OR2H1: variants seen among roughly 807,000 people sequenced by gnomAD.
The protein encoded by OR2H1 is olfactory receptor family 2 subfamily H member 1, also known as olfactory receptor 2H1.
For missense variants in OR2H1, 380 were observed against 367.3 expected (o/e 1.03, Z -0.28); for synonymous variants, 155 against 155.2 (o/e 1.00, Z 0.01).
Position 29,464,127 on chromosome 6 carries a change from T to C in OR2H1, c.*1407T>C, listed in dbSNP as rs1787647082. The C allele has an allele frequency of 6.0e-6, 1 of 167,102 alleles. No homozygotes were observed. The highest frequency in any genetic ancestry group is 1.5e-5 in the Non-Finnish European group (1 of 68,134). The allele number at this position is 167,102 out of a possible 1,614,324, so 10.4% of individuals were successfully genotyped here. A position where few individuals can be genotyped will look rare whatever the true frequency, so the allele number is the denominator to read the frequency against. The stretch of plus-strand genomic sequence containing the variant: ...CTCTTTCTCCTTCACTGCCTCAAGT[T>C]ACAGCCAGAGGAAAGGAGGAACTAA... On this transcript the variant is annotated 3_prime_UTR_variant, in exon 4 of 4. Transcript: ENST00000377133.
rs147890226 is a variant in OR2H1 at position 29,461,840 on chromosome 6, C to T, written c.71C>T (p.Thr24Ile). 2 of 1,613,084 alleles carry T rather than the reference C, an allele frequency of 1.2e-6. No individual in the cohort carries two copies. The highest frequency in any genetic ancestry group is 1.3e-5 in the African/African-American group (1 of 75,042). ...GFSEHPALER[T>I]LFVVVFTSYL... ...TCTGAACACCCAGCACTGGAAAGGA[C>T]TCTCTTTGTGGTTGTCTTCACTTCC... The change falls in exon 4 of 4, where the codon ACT becomes ATT. Residue 24 changes from threonine (T) to isoleucine (I), a missense_variant. Thr to Ile is a moderately conservative substitution (Grantham distance 89, BLOSUM62 -1). Coordinates refer to ENST00000377133, the MANE Select transcript of OR2H1 (RefSeq NM_030883.5).
Position 29,461,839 on chromosome 6 carries a change from ACT to A in OR2H1, c.75_76del (p.Phe26CysfsTer37). The A allele has an allele frequency of 5.0e-6, 8 of 1,612,362 alleles. No individual in the cohort carries two copies. The highest frequency in any genetic ancestry group is 6.8e-6 in the Non-Finnish European group (8 of 1,179,854). On this transcript the variant is annotated frameshift_variant, in exon 4 of 4. Transcript: ENST00000377133. LOFTEE classifies it low-confidence loss of function (END_TRUNC). ...CTCTGAACACCCAGCACTGGAAAGG[ACT>A]CTCTTTGTGGTTGTCTTCACTTCCT... ...GFSEHPALERTLFVVVFTSYL... is the reference protein window; with the variant it reads ...GFSEHPALERXLFVVVFTSYL...
Position 29,462,304 on chromosome 6 carries a change from G to T in OR2H1, c.535G>T (p.Val179Phe). The change falls in exon 4 of 4, where the codon GTC becomes TTC. Residue 179 changes from valine to phenylalanine, a missense_variant. By Grantham distance (50) the Val-to-Phe change is conservative. Transcript: ENST00000377133. Reference sequence around the variant, plus strand: ...GCAGATAGATGACTTTTTATGTGAGGTCCCATCTCTGATTCGACTCTCCTG... The same window carrying T: ...GCAGATAGATGACTTTTTATGTGAGTTCCCATCTCTGATTCGACTCTCCTG... ...HQQIDDFLCEVPSLIRLSCGD... is the reference protein window; with the variant it reads ...HQQIDDFLCEFPSLIRLSCGD... 6.2e-7 allele frequency: 1 copy of T among 1,613,106 alleles called. No homozygotes were observed. The highest frequency in any genetic ancestry group is 2.2e-5 in the East Asian group (1 of 44,874).
chr6:29,462,645 C>A lies in OR2H1; in HGVS notation c.876C>A (p.Asn292Lys). The change falls in exon 4 of 4, where the codon AAC becomes AAA. Residue 292 changes from asparagine (N) to lysine (K), a missense_variant. Transcript: ENST00000377133. ...SLNPLVYTLRNKEIKRALRRL... is the reference protein window; with the variant it reads ...SLNPLVYTLRKKEIKRALRRL... ...ACCCTCTCGTATACACCCTGAGGAA[C>A]AAGGAGATAAAGCGAGCACTCAGGA... 3 of 1,613,012 alleles carry A rather than the reference C, an allele frequency of 1.9e-6. No individual in the cohort carries two copies. The highest frequency in any genetic ancestry group is 2.5e-6 in the Non-Finnish European group (3 of 1,180,008).
rs890494437 is a variant in OR2H1 at position 29,462,319 on chromosome 6, C to T, written c.550C>T (p.Arg184Ter). 31 of 1,613,148 alleles carry T rather than the reference C, an allele frequency of 1.9e-5. No individual in the cohort carries two copies. Among genetic ancestry groups the T allele is most frequent in the Non-Finnish European group, 2.3e-5 (27 of 1,180,028 alleles). ...DFLCEVPSLI[R>*]LSCGDTSYNE... The stretch of plus-strand genomic sequence containing the variant: ...TTTATGTGAGGTCCCATCTCTGATT[C>T]GACTCTCCTGTGGAGATACCTCCTA... Residue 184 changes from arginine (R) to a stop codon, truncating the protein, a stop_gained, in exon 4 of 4, where the codon CGA becomes TGA. Transcript: ENST00000377133. LOFTEE classifies it low-confidence loss of function (END_TRUNC).
Position 29,461,786 on chromosome 6 carries a change from C to T in OR2H1, c.17C>T (p.Ser6Phe), listed in dbSNP as rs770646313. ...GAACAGGCCATGGTTAACCAAAGCT[C>T]CCCCATGGGCTTCCTCCTTCTGGGC... is the stretch of plus-strand genomic sequence containing the variant. MVNQS[S>F]PMGFLLLGFS... The change falls in exon 4 of 4, where the codon TCC becomes TTC. Residue 6 changes from serine to phenylalanine, a missense_variant. Ser to Phe is a radical substitution (Grantham distance 155). Coordinates refer to ENST00000377133, the MANE Select transcript of OR2H1 (RefSeq NM_030883.5). 1 of 1,612,562 alleles carries T rather than the reference C, an allele frequency of 6.2e-7. No homozygotes were observed. Among genetic ancestry groups the T allele is most frequent in the Non-Finnish European group, 8.5e-7 (1 of 1,179,720 alleles).
At position 29,463,014 on chromosome 6, in the gene OR2H1, T is replaced by A; in HGVS notation, c.*294T>A. 1 of 430,850 alleles carries A rather than the reference T, an allele frequency of 2.3e-6. No individual in the cohort carries two copies. The highest frequency in any genetic ancestry group is 4.3e-6 in the Non-Finnish European group (1 of 234,544). 26.7% of individuals were successfully genotyped at this position (430,850 alleles called of 1,614,324 possible). ...TTTTACTGTCATCACTTCTATAGAT[T>A]TCCTAACTCCACCATGCCTATTTCT... On this transcript the variant is annotated 3_prime_UTR_variant, in exon 4 of 4. Transcript: ENST00000377133.
rs755910580 is a variant in OR2H1, at chr6:29,461,986, A to G, written c.217A>G (p.Thr73Ala). ...CTCCTTCTTGGACCTCTGCTTTACC[A>G]CAAGTTGTGTCCCCCAGATGCTGGT... Reference protein sequence around the residue: ...DLSFLDLCFTTSCVPQMLVNL... With the variant: ...DLSFLDLCFTASCVPQMLVNL... The change falls in exon 4 of 4, where the codon ACA becomes GCA. Residue 73 changes from threonine to alanine, a missense_variant. Coordinates refer to ENST00000377133, the MANE Select transcript of OR2H1 (RefSeq NM_030883.5). The G allele has an allele frequency of 1.9e-6, 3 of 1,612,948 alleles. No individual in the cohort carries two copies. The African/African-American group carries it at 4.0e-5, about 22-fold the overall frequency.
intron 3 of OR2H1, chr6:29,461,208 A>G (rs1006874707): frequency 1.3e-5 from 2 of 152,774 alleles, no homozygotes; most frequent in African/African-American, 2.4e-5. Flanking sequence ...TGTTAATTCT[A>G]CACTCTGCCT....
chr6:29,461,243 G>T (rs2151427903), intron 3 of OR2H1, among the ~76,000 whole-genome samples: 1 of 152,212 alleles, frequency 6.6e-6, no homozygotes, highest in Admixed American at 6.5e-5. Flanking sequence ...TGCAAACAAA[G>T]ATAAAGTAGA....
At position 29,462,049 on chromosome 6, in the gene OR2H1, G is replaced by C; in HGVS notation, c.280G>C (p.Gly94Arg). The change falls in exon 4 of 4, where the codon GGA (glycine) becomes CGA (arginine). Residue 94 changes from glycine to arginine, a missense_variant. Coordinates refer to ENST00000377133, the MANE Select transcript of OR2H1 (RefSeq NM_030883.5). ...WGPKKTISFL[G>R]CSVQLFIFLS... The stretch of plus-strand genomic sequence containing the variant: ...CCCAAAGAAGACCATCAGCTTCCTG[G>C]GATGCTCTGTCCAGCTCTTCATCTT... 6.2e-7 allele frequency: 1 copy of C among 1,613,444 alleles called. No homozygotes were observed. The highest frequency in any genetic ancestry group is 1.1e-5 in the South Asian group (1 of 91,066).
At chr6:29,459,945 A>G (rs1787027411) in intron 2 of OR2H1, 2 of 152,120 alleles carry the variant, frequency 1.3e-5, no homozygotes, top group South Asian at 2.1e-4. Flanking sequence ...GAGGGTCTCA[A>G]TTTTCCCATG....
At chr6:29,457,722 T>G (rs940981005) in intron 1 of OR2H1, among the ~76,000 whole-genome samples, 12 of 152,094 alleles carry the variant, frequency 7.9e-5, no homozygotes, top group African/African-American at 2.9e-4. Flanking sequence ...TAAACCAAAG[T>G]CAGGGGGGAT....
chr6:29,457,261 T>C (rs1786476176), intron 1 of OR2H1, 54 bp downstream of exon 1: 1 of 152,198 alleles, frequency 6.6e-6, no homozygotes, highest in Admixed American at 6.5e-5. Context: ...TTGGGGGCCA[T>C]ATTTTAAAAC....
chr6:29,462,068 T>C lies in OR2H1; in HGVS notation c.299T>C (p.Phe100Ser), dbSNP rs1447718078. 2.5e-6 allele frequency: 4 copies of C among 1,613,444 alleles called. No homozygotes were observed. Among genetic ancestry groups the C allele is most frequent in the Non-Finnish European group, 3.4e-6 (4 of 1,180,032 alleles). The change falls in exon 4 of 4, where the codon TTC becomes TCC. Residue 100 changes from phenylalanine to serine, a missense_variant. Physicochemically the swap from Phe to Ser is radical, Grantham distance 155. Transcript: ENST00000377133. ...TTCCTGGGATGCTCTGTCCAGCTCT[T>C]CATCTTCCTGTCCCTGGGGACCACT... ...ISFLGCSVQLFIFLSLGTTEC... is the reference protein window; with the variant it reads ...ISFLGCSVQLSIFLSLGTTEC...
Position 29,463,642 on chromosome 6 carries a change from A to G in OR2H1, c.*922A>G, listed in dbSNP as rs576800304. On this transcript the variant is annotated 3_prime_UTR_variant, in exon 4 of 4. Transcript: ENST00000377133. ...GCTTGACAGTCATCACCGTCACTCT[A>G]TCTTCATTTCTGGTTCTTACCGTGT... 3 of 167,158 alleles carry G rather than the reference A, an allele frequency of 1.8e-5. No individual in the cohort carries two copies. The highest frequency in any genetic ancestry group is 2.1e-4 in the South Asian group (1 of 4,818). 10.4% of individuals were successfully genotyped at this position (167,158 alleles called of 1,614,324 possible).
chr6:29,462,264 C>T lies in OR2H1; in HGVS notation c.495C>T (p.Pro165=). The T allele has an allele frequency of 5.6e-6, 9 of 1,613,374 alleles. No homozygotes were observed. Among genetic ancestry groups the T allele is most frequent in the Non-Finnish European group, 7.6e-6 (9 of 1,180,042 alleles). The change falls in exon 4 of 4, where the codon CCC becomes CCT. Residue 165 remains proline (P), a synonymous_variant. Coordinates refer to ENST00000377133, the MANE Select transcript of OR2H1 (RefSeq NM_030883.5). ...AGACACCATCCACCCTCCACTTGCC[C>T]TTCTGTCCCCACCAGCAGATAGATG... ...IVQTPSTLHL[P]FCPHQQIDDF...
rs775421777 is a variant in OR2H1, at chr6:29,462,091, A to G, written c.322A>G (p.Thr108Ala). The G allele has an allele frequency of 1.9e-6, 3 of 1,613,526 alleles. No homozygotes were observed. The South Asian group carries it at 3.3e-5, about 18-fold the overall frequency. Residue 108 changes from threonine (T) to alanine (A), a missense_variant, in exon 4 of 4, where the codon ACT becomes GCT. By Grantham distance (58) the Thr-to-Ala change is moderately conservative. Transcript: ENST00000377133. Reference sequence around the variant, plus strand: ...CTTCATCTTCCTGTCCCTGGGGACCACTGAGTGCATCCTCCTGACAGTGAT... The same window carrying G: ...CTTCATCTTCCTGTCCCTGGGGACCGCTGAGTGCATCCTCCTGACAGTGAT... ...QLFIFLSLGTTECILLTVMAF... is the reference protein window; with the variant it reads ...QLFIFLSLGTAECILLTVMAF...
chr6:29,463,137 G>A lies in OR2H1; in HGVS notation c.*417G>A. ...GCATGTATCTACGTAGGTCATGTAA[G>A]CAAAGGCTTGAAGAACAGCTAATCT... On this transcript the variant is annotated 3_prime_UTR_variant, in exon 4 of 4. Transcript: ENST00000377133. 1 of 195,486 alleles carries A rather than the reference G, an allele frequency of 5.1e-6. No homozygotes were observed. The highest frequency in any genetic ancestry group is 1.2e-5 in the Non-Finnish European group (1 of 85,512). 12.1% of individuals were successfully genotyped at this position (195,486 alleles called of 1,614,324 possible).
Sources: allele counts gnomAD v4.1 joint callset (sites outside exome capture counted in the v4.1 genomes callset), GRCh38; gene constraint gnomAD v4.1.1; transcripts MANE v1.5; gene names NCBI Gene and HGNC (gene_info 2026-07-23, HGNC 2026-07-21).